Variants in PDS5B observed in about 807,000 individuals in gnomAD.
The protein encoded by PDS5B is PDS5 cohesin associated factor B.
PDS5B carries 51 observed loss-of-function variants against 184.1 expected under a neutral mutation model. That is an observed-to-expected ratio of 0.28 (90% CI 0.22 to 0.35). PDS5B has a LOEUF of 0.35. PDS5B is among the 10% of genes least tolerant of loss of function. The pLI is 1.00. For missense variants in PDS5B, 1,180 were observed against 1,723.3 expected, an observed-to-expected ratio of 0.68 and a Z score of 5.58; for synonymous variants, 566 against 569.2, an observed-to-expected ratio of 0.99 and a Z score of 0.08.
intron 19 of PDS5B, among the ~76,000 whole-genome samples, chr13:32,714,590 C>T (rs669378): frequency 0.23 from 35,029 of 151,972 alleles, 4,325 homozygotes; most frequent in South Asian, 0.37. Context: ...CCTCCAGGTG[C>T]GTATTCTCTT....
At chr13:32,689,471 C>G (rs2140832288) in intron 13 of PDS5B, 1 of 152,076 alleles carries the variant, frequency 6.6e-6, no homozygotes, top group Middle Eastern at 3.4e-3. Context: ...TGCTTTTGTG[C>G]TACAGTGGAA....
intron 1 of PDS5B, among the ~76,000 whole-genome samples, chr13:32,621,324 C>T (rs760301164): frequency 6.6e-5 from 10 of 152,100 alleles, no homozygotes; most frequent in Admixed American, 1.3e-4. Context: ...ATTGGCTGGG[C>T]GTGGTGGTGT....
chr13:32,610,823 T>C (rs999835617), intron 1 of PDS5B, among the ~76,000 whole-genome samples: 2 of 152,118 alleles, frequency 1.3e-5, no homozygotes, highest in Admixed American at 1.3e-4. Context: ...GAGGATGAAA[T>C]GAATTAATAC....
chr13:32,747,811 T>A (rs369389352), intron 24 of PDS5B, among the ~76,000 whole-genome samples: 2 of 152,204 alleles, frequency 1.3e-5, no homozygotes, highest in Admixed American at 6.5e-5. Flanking sequence ...TTTGCTGCTA[T>A]CATTATTGAA....
chr13:32,657,964 GTTTA>G (rs1485952531), intron 3 of PDS5B, among the ~76,000 whole-genome samples: 2 of 151,948 alleles, frequency 1.3e-5, no homozygotes, highest in Non-Finnish European at 2.9e-5. Context: ...CACTTTTCAG[GTTTA>G]TTTGTTTAAC....
rs781224937 is a variant in PDS5B at position 32,710,042 on chromosome 13, G to T, written c.2059G>T (p.Ala687Ser). 2.6e-6 allele frequency: 4 copies of T among 1,542,332 alleles called. No homozygotes were observed. The highest frequency in any genetic ancestry group is 3.5e-6 in the Non-Finnish European group (4 of 1,133,672). The change falls in exon 19 of 35, where the codon GCT (alanine) becomes TCT (serine). Residue 687 changes from alanine (A) to serine (S), a missense_variant. By Grantham distance (99) the Ala-to-Ser change is moderately conservative (BLOSUM62 1). Transcript: ENST00000315596. ...LKMDDEKVAEAALQIFKNTGS... is the reference protein window; with the variant it reads ...LKMDDEKVAESALQIFKNTGS... ...AATGGATGATGAAAAAGTAGCAGAA[G>T]CTGCACTACAAATTTTCAAAAACAC...
chr13:32,707,349 T>C (rs577542251), intron 18 of PDS5B, among the ~76,000 whole-genome samples: 45 of 150,772 alleles, frequency 3.0e-4, no homozygotes, highest in African/African-American at 1.0e-3. Flanking sequence ...AAAACTCTTA[T>C]TTTTTTTTGT....
Position 32,775,095 on chromosome 13 carries a change from A to AACTT in PDS5B, c.*43_*44insACTT. ...CTTTCTCTGTGAAAGCTTTGGAAAA[A>AACTT]TCTTTTTTTTTTTTTTTGGTCAAGC... On this transcript the variant is annotated 3_prime_UTR_variant, in exon 35 of 35. Transcript: ENST00000315596. The AACTT allele has an allele frequency of 1.0e-4, 57 of 547,542 alleles. No homozygotes were observed. The highest frequency in any genetic ancestry group is 2.6e-4 in the African/African-American group (4 of 15,252). The allele number at this position is 547,542 out of a possible 1,614,324, so 33.9% of individuals were successfully genotyped here.
intron 14 of PDS5B, among the ~76,000 whole-genome samples, chr13:32,696,595 A>G (rs1437431882): frequency 6.6e-6 from 1 of 151,968 alleles, no homozygotes; most frequent in Non-Finnish European, 1.5e-5. Flanking sequence ...TACAAAATGT[A>G]GTGCAGCTGT....
At chr13:32,604,858 C>T (rs2058035887) in intron 1 of PDS5B, among the ~76,000 whole-genome samples, 1 of 152,186 alleles carries the variant, frequency 6.6e-6, no homozygotes. Flanking sequence ...AGTTTATTTG[C>T]ATAGAGGTGT....
chr13:32,729,509 GAGGAATCGCGA>G (rs1395657578), intron 19 of PDS5B, among the ~76,000 whole-genome samples: 1 of 152,136 alleles, frequency 6.6e-6, no homozygotes, highest in Non-Finnish European at 1.5e-5. Context: ...CCAGATCCTT[GAGGAATCGCGA>G]CACTGTCTTC....
At chr13:32,623,283 C>G (rs1409372067) in intron 1 of PDS5B, among the ~76,000 whole-genome samples, 1 of 152,088 alleles carries the variant, frequency 6.6e-6, no homozygotes, top group Non-Finnish European at 1.5e-5. Flanking sequence ...CATCTTGTGA[C>G]CACTGGCTAC....
chr13:32,754,659 A>T (rs1410917262), intron 25 of PDS5B, among the ~76,000 whole-genome samples: 1 of 151,970 alleles, frequency 6.6e-6, no homozygotes, highest in Admixed American at 6.6e-5. Context: ...TACCTGTCGT[A>T]TTTTGGCAGA....
intron 24 of PDS5B, among the ~76,000 whole-genome samples, chr13:32,747,307 C>G (rs547785230): frequency 6.6e-6 from 1 of 152,268 alleles, no homozygotes; most frequent in East Asian, 1.9e-4. Context: ...CTTCAGTGAT[C>G]ATTGCAATTC....
At chr13:32,695,565 T>A (rs1278934567) in intron 14 of PDS5B, among the ~76,000 whole-genome samples, 1 of 152,006 alleles carries the variant, frequency 6.6e-6, no homozygotes, top group Non-Finnish European at 1.5e-5. Flanking sequence ...AATTTTAAGA[T>A]GTTCTTACTT....
At chr13:32,648,065 T>G (rs1197804426) in intron 1 of PDS5B, among the ~76,000 whole-genome samples, 40 of 152,342 alleles carry the variant, frequency 2.6e-4, no homozygotes. Context: ...TGGCCAAAAC[T>G]AATTACCTGT....
intron 13 of PDS5B, among the ~76,000 whole-genome samples, chr13:32,693,691 C>T (rs923040054): frequency 2.7e-5 from 4 of 149,360 alleles, no homozygotes; most frequent in Non-Finnish European, 4.5e-5. Flanking sequence ...ATATATTAAA[C>T]GACATTATAA....
chr13:32,724,730 TCA>T (rs911072836), intron 19 of PDS5B, among the ~76,000 whole-genome samples: 2 of 152,038 alleles, frequency 1.3e-5, no homozygotes, highest in South Asian at 2.1e-4. Flanking sequence ...CAGGCGCATG[TCA>T]CCATGCCTGG....
chr13:32,602,423 G>T (rs1220470992), intron 1 of PDS5B, among the ~76,000 whole-genome samples: 1 of 152,164 alleles, frequency 6.6e-6, no homozygotes, highest in Non-Finnish European at 1.5e-5. Flanking sequence ...CAAAGGACAT[G>T]AACTCATCCT....
Sources: gnomAD v4.1 joint callset for allele counts (sites outside exome capture counted in the v4.1 genomes callset) on GRCh38, gnomAD v4.1.1 for gene constraint, MANE v1.5 for transcripts, NCBI Gene and HGNC (gene_info 2026-07-23, HGNC 2026-07-21) for gene names.